GLIS3: variants seen among roughly 807,000 people sequenced by gnomAD.
GLIS3 encodes the protein GLIS family zinc finger 3.
GLIS3 carries 53 observed loss-of-function variants against 78.6 expected under a neutral mutation model. That is an observed-to-expected ratio of 0.67 (90% confidence interval 0.54 to 0.85). GLIS3 has a LOEUF of 0.85. Ranked by LOEUF, GLIS3 falls within the 40% of genes least tolerant of loss-of-function variation. GLIS3 has a pLI of 0.00. For missense variants in GLIS3, 1,703 were observed against 1,231.1 expected (o/e 1.38, Z -5.74); for synonymous variants, 684 against 509.9 (o/e 1.34, Z -4.60).
At chr9:4,382,947 T>C in the GLIS3 span, among the ~76,000 whole-genome samples, 1 of 152,192 alleles carries the variant, frequency 6.6e-6, no homozygotes, top group Non-Finnish European at 1.5e-5. Context: ...AAAGCAAAAT[T>C]TGACCTTACC....
rs1304208754 is a variant in GLIS3, at chr9:4,118,339, G to A, written c.1139C>T (p.Ala380Val). 3.8e-6 allele frequency: 6 copies of A among 1,578,068 alleles called. No homozygotes were observed. Among genetic ancestry groups the A allele is most frequent in the Non-Finnish European group, 5.1e-6 (6 of 1,165,698 alleles). The change falls in exon 4 of 11, where the codon GCG becomes GTG. Residue 380 changes from alanine (A) to valine (V), a missense_variant. Physicochemically the swap from Ala to Val is moderately conservative, Grantham distance 64. Coordinates refer to ENST00000381971, the MANE Select transcript of GLIS3 (RefSeq NM_001042413.2). This position sits in a 1 kb window ranked among gnomAD's most constrained non-coding sequence, Gnocchi z 4.7. Reference protein sequence around the residue: ...KGVLVAPGGLALPAYGEDGAL... With the variant: ...KGVLVAPGGLVLPAYGEDGAL... ...CCCGTCCTCGCCGTAGGCCGGCAGC[G>A]CCAGGCCTCCAGGGGCCACCAGCAC... is the stretch of plus-strand genomic sequence containing the variant.
At chr9:4,410,020 G>C in the GLIS3 span, among the ~76,000 whole-genome samples, 6 of 152,150 alleles carry the variant, frequency 3.9e-5, no homozygotes, top group African/African-American at 1.4e-4. Context: ...ACCCAGGCTG[G>C]AGTGCAGTGG....
the GLIS3 span, among the ~76,000 whole-genome samples, chr9:4,413,748 A>G: frequency 6.6e-6 from 1 of 152,146 alleles, no homozygotes; most frequent in Non-Finnish European, 1.5e-5. Context: ...GTCTTATACC[A>G]GGCAGGGAAT....
intron 2 of GLIS3, among the ~76,000 whole-genome samples, chr9:4,156,737 C>A (rs1293873197): frequency 6.6e-6 from 1 of 152,050 alleles, no homozygotes; most frequent in African/African-American, 2.4e-5. Flanking sequence ...AAGTTTCATG[C>A]CCTTATCTGA....
At chr9:4,139,656 A>C (rs1465808202) in intron 2 of GLIS3, among the ~76,000 whole-genome samples, 1 of 152,154 alleles carries the variant, frequency 6.6e-6, no homozygotes, top group East Asian at 1.9e-4. Context: ...GGTTTCATGG[A>C]AAGCATGGAA....
At chr9:4,159,609 C>A (rs1300063165) in intron 2 of GLIS3, among the ~76,000 whole-genome samples, 1 of 151,978 alleles carries the variant, frequency 6.6e-6, no homozygotes. Flanking sequence ...ATTCCAGCTA[C>A]TGGGGAGGCT....
chr9:3,903,089 C>T (rs941518961), intron 6 of GLIS3, among the ~76,000 whole-genome samples: 2 of 152,148 alleles, frequency 1.3e-5, no homozygotes, highest in Admixed American at 6.5e-5. Flanking sequence ...TGGCAATTTT[C>T]TAAGAAGCCT....
intron 4 of GLIS3, among the ~76,000 whole-genome samples, chr9:4,024,566 A>T (rs941360809): frequency 4.6e-5 from 7 of 152,098 alleles, no homozygotes; most frequent in African/African-American, 1.7e-4. Flanking sequence ...TGTTTTTCAC[A>T]ATGATTTACT....
chr9:3,997,765 C>T (rs1820850819), intron 4 of GLIS3, among the ~76,000 whole-genome samples: 2 of 151,810 alleles, frequency 1.3e-5, no homozygotes, highest in African/African-American at 4.8e-5. Flanking sequence ...AAATATTTCT[C>T]TAAATGTCTT....
chr9:4,412,200 G>A, the GLIS3 span, among the ~76,000 whole-genome samples: 2 of 152,198 alleles, frequency 1.3e-5, no homozygotes, highest in Admixed American at 1.3e-4. Context: ...GCAAGGTGGA[G>A]GGCTTATCCT....
intron 4 of GLIS3, among the ~76,000 whole-genome samples, chr9:4,015,888 C>CAAAAAAAA (rs1049791263): frequency 3.1e-5 from 1 of 32,252 alleles, no homozygotes; most frequent in African/African-American, 1.0e-4. Context: ...GACTCTGTCT[C>CAAAAAAAA]AAAAAAAAAA....
chr9:4,286,706 C>G (rs1378912589), intron 1 of GLIS3, among the ~76,000 whole-genome samples, 183 bp from the exon 2 acceptor site: 3 of 152,238 alleles, frequency 2.0e-5, no homozygotes, highest in Admixed American at 6.5e-5. Flanking sequence ...CTTCTGCACT[C>G]ATGGTGGACA....
At chr9:4,390,986 G>T in the GLIS3 span, among the ~76,000 whole-genome samples, 32 of 152,254 alleles carry the variant, frequency 2.1e-4, no homozygotes, top group African/African-American at 7.2e-4. Flanking sequence ...CTCCACAAAG[G>T]CTTGCTTCCT....
intron 6 of GLIS3, among the ~76,000 whole-genome samples, chr9:3,927,141 G>A (rs756036911): frequency 1.3e-5 from 2 of 152,120 alleles, no homozygotes; most frequent in Non-Finnish European, 2.9e-5. Flanking sequence ...ATCTATGAGG[G>A]CACAGAACTT....
intron 2 of GLIS3, among the ~76,000 whole-genome samples, chr9:4,329,948 T>C (rs1298834528): frequency 6.6e-6 from 1 of 151,918 alleles, no homozygotes; most frequent in Non-Finnish European, 1.5e-5. Flanking sequence ...TTTATTTTAG[T>C]GTATCAATTA....
intron 2 of GLIS3, among the ~76,000 whole-genome samples, chr9:4,135,951 A>G (rs1044484182): frequency 6.6e-6 from 1 of 152,214 alleles, no homozygotes. Flanking sequence ...GAGATACATT[A>G]GTAACAATTT....
chr9:3,997,786 A>T (rs989668992), intron 4 of GLIS3, among the ~76,000 whole-genome samples: 2 of 152,178 alleles, frequency 1.3e-5, no homozygotes, highest in Admixed American at 6.5e-5. Context: ...TAAAGGAAAT[A>T]GGAATAAGAA....
chr9:4,484,401 C>T, the GLIS3 span, among the ~76,000 whole-genome samples: 2 of 123,534 alleles, frequency 1.6e-5, no homozygotes, highest in African/African-American at 6.2e-5. Context: ...CCATGCCAGG[C>T]TAATTTTTTT....
intron 2 of GLIS3, among the ~76,000 whole-genome samples, chr9:4,225,787 C>G (rs1339113199): frequency 1.1e-4 from 17 of 152,028 alleles, no homozygotes; most frequent in Admixed American, 1.1e-3. Context: ...TTGAATAAAC[C>G]AGAGTCTATT....
Sources: gnomAD v4.1 joint callset for allele counts (sites outside exome capture counted in the v4.1 genomes callset) on GRCh38, gnomAD v4.1.1 for gene constraint, Gnocchi (gnomAD v3.1) non-coding constraint, MANE v1.5 for transcripts, NCBI Gene and HGNC (gene_info 2026-07-23, HGNC 2026-07-21) for gene names.